The following FOXP1 variants were observed in gnomAD, a reference collection of about 807,000 sequenced individuals.
The protein encoded by FOXP1 is forkhead box protein P1.
A neutral mutation model predicts 98.2 loss-of-function variants in FOXP1; 15 were observed. The ratio of observed to expected loss-of-function variants is 0.15; its 90% CI spans 0.10 to 0.24. FOXP1 has a LOEUF of 0.24. FOXP1 is among the 10% of genes least tolerant of loss of function. The pLI is 1.00. For synonymous variants in FOXP1, 371 were observed against 314.5 expected, an observed-to-expected ratio of 1.18 and a Z score of -1.90; for missense variants, 633 against 848.5, an observed-to-expected ratio of 0.75 and a Z score of 3.15.
intron 3 of FOXP1, among the ~76,000 whole-genome samples, chr3:71,447,961 C>A (rs547484222): frequency 7.9e-4 from 120 of 152,248 alleles, no homozygotes; most frequent in Admixed American, 3.0e-3. Context: ...CTCATTCTTC[C>A]AGTTTTCTCA....
intron 11 of FOXP1, among the ~76,000 whole-genome samples, chr3:71,018,490 C>G (rs2044861934): frequency 6.6e-6 from 1 of 152,206 alleles, no homozygotes; most frequent in African/African-American, 2.4e-5. Flanking sequence ...AGTGCACCCC[C>G]ACACCCCAAC....
chr3:71,328,974 T>TAAAAAAAA (rs869252301), intron 4 of FOXP1, among the ~76,000 whole-genome samples: 490 of 31,152 alleles, frequency 0.016, 65 homozygotes, highest in Middle Eastern at 0.067. Context: ...TCCATCTCGC[T>TAAAAAAAA]AAAAAAAAAA....
intron 2 of FOXP1, among the ~76,000 whole-genome samples, chr3:71,580,342 C>CT (rs1483561243): frequency 1.3e-5 from 2 of 151,044 alleles, no homozygotes; most frequent in Non-Finnish European, 1.5e-5. Flanking sequence ...AGTTGAGTTC[C>CT]TTTTTTATAT....
chr3:71,436,047 T>G (rs2085321009), intron 3 of FOXP1, among the ~76,000 whole-genome samples: 1 of 151,688 alleles, frequency 6.6e-6, no homozygotes, highest in Non-Finnish European at 1.5e-5. Flanking sequence ...CTACATATAT[T>G]AATACCCTGT....
At chr3:71,133,372 T>A (rs2059665143) in intron 6 of FOXP1, among the ~76,000 whole-genome samples, 1 of 152,240 alleles carries the variant, frequency 6.6e-6, no homozygotes, top group South Asian at 2.1e-4. Context: ...AGAGAAATTG[T>A]CTGCTCAGGG....
chr3:71,332,096 T>C (rs2076358625), intron 4 of FOXP1: 1 of 152,264 alleles, frequency 6.6e-6, no homozygotes, highest in Non-Finnish European at 1.5e-5. Context: ...TGGGTCCCCT[T>C]CCATACTGTG....
intron 7 of FOXP1, among the ~76,000 whole-genome samples, chr3:71,104,907 T>C (rs2057296890): frequency 6.6e-6 from 1 of 152,236 alleles, no homozygotes; most frequent in African/African-American, 2.4e-5. Context: ...TAACTCCCTA[T>C]ACTTAAAATA....
intron 11 of FOXP1, among the ~76,000 whole-genome samples, chr3:71,029,030 C>A (rs2046502477): frequency 6.6e-6 from 1 of 152,186 alleles, no homozygotes; most frequent in Admixed American, 6.5e-5. Context: ...ACGTGCCTCA[C>A]CTCCTGCCGT....
Position 70,958,799 on chromosome 3 carries a change from A to G in FOXP1, c.*448T>C, listed in dbSNP as rs991603381. The stretch of plus-strand genomic sequence containing the variant: ...AAGGCAGTGATAATCAACATGCAGT[A>G]CTGTGCAAATAGGTCGTCCATTGGA... On this transcript the variant is annotated 3_prime_UTR_variant, in exon 21 of 21. Coordinates refer to ENST00000649528, the MANE Select transcript of FOXP1 (RefSeq NM_001349338.3). 4 of 312,328 alleles carry G rather than the reference A, an allele frequency of 1.3e-5. No homozygotes were observed. The highest frequency in any genetic ancestry group is 1.8e-5 in the Non-Finnish European group (3 of 166,880). 19.3% of individuals were successfully genotyped at this position (312,328 alleles called of 1,614,324 possible).
At chr3:71,233,285 G>A (rs1213479603) in intron 5 of FOXP1, among the ~76,000 whole-genome samples, 2 of 151,564 alleles carry the variant, frequency 1.3e-5, no homozygotes, top group Non-Finnish European at 2.9e-5. Context: ...GGAGGGAAGG[G>A]AAATGGTTTC....
At position 71,493,413 on chromosome 3, in the gene FOXP1, T is replaced by C. The variant is rs2091202917; in HGVS notation, c.-168+13A>G. 1 of 152,336 alleles carries C rather than the reference T, an allele frequency of 6.6e-6. No homozygotes were observed. The highest frequency in any genetic ancestry group is 2.4e-5 in the African/African-American group (1 of 41,572). The allele number at this position is 152,336 out of a possible 1,614,324, so 9.4% of individuals were successfully genotyped here. On this transcript the variant is annotated intron_variant, in intron 3 of 20. Transcript: ENST00000649528. ...ATTTTCAGATGAATAATCACAAACA[T>C]TCATTCACTCACCCTTTTGGCTAGC...
At chr3:71,489,107 C>T (rs1371802415) in intron 3 of FOXP1, among the ~76,000 whole-genome samples, 1 of 152,070 alleles carries the variant, frequency 6.6e-6, no homozygotes, top group Non-Finnish European at 1.5e-5. Flanking sequence ...GCGCCACCAC[C>T]GCCCCACCCC....
intron 6 of FOXP1, among the ~76,000 whole-genome samples, chr3:71,189,861 C>T (rs909138207): frequency 6.6e-6 from 1 of 152,172 alleles, no homozygotes. Flanking sequence ...AAGGTGATCC[C>T]GGCCCCCATT....
intron 7 of FOXP1, among the ~76,000 whole-genome samples, chr3:71,103,498 C>A (rs143921704): frequency 1.3e-5 from 2 of 152,174 alleles, no homozygotes; most frequent in Non-Finnish European, 2.9e-5. Context: ...GCTTTCCTGA[C>A]CGGGCAGGGT....
intron 2 of FOXP1, among the ~76,000 whole-genome samples, chr3:71,495,274 G>T (rs536200528): frequency 6.6e-6 from 1 of 152,172 alleles, no homozygotes; most frequent in African/African-American, 2.4e-5. Flanking sequence ...AGCTTGTCCT[G>T]CCCACCTACT....
intron 11 of FOXP1, among the ~76,000 whole-genome samples, chr3:71,031,725 TAAACAAAC>T (rs200881864): frequency 6.6e-6 from 1 of 151,770 alleles, no homozygotes; most frequent in Non-Finnish European, 1.5e-5. Flanking sequence ...TGGAAAATGC[TAAACAAAC>T]AAACAAACAA....
chr3:71,524,070 TC>T (rs1480973895), intron 2 of FOXP1, among the ~76,000 whole-genome samples: 1 of 152,150 alleles, frequency 6.6e-6, no homozygotes, highest in African/African-American at 2.4e-5. Flanking sequence ...CAACCTCAAT[TC>T]AGTGAGTGAC....
intron 11 of FOXP1, 100 bp from the exon 12 acceptor site, chr3:71,015,753 T>A: frequency 1.3e-6 from 1 of 745,518 alleles, no homozygotes; most frequent in Non-Finnish European, 2.4e-6. Flanking sequence ...CATGGCCAAA[T>A]GTGGACAAGA....
chr3:71,174,780 A>G (rs1341016146), intron 6 of FOXP1, among the ~76,000 whole-genome samples: 1 of 142,480 alleles, frequency 7.0e-6, no homozygotes, highest in Non-Finnish European at 1.5e-5. Flanking sequence ...ATGTATGCAC[A>G]TGCATACACA....
Sources: allele counts gnomAD v4.1 joint callset (sites outside exome capture counted in the v4.1 genomes callset), GRCh38; gene constraint gnomAD v4.1.1; transcripts MANE v1.5; gene names NCBI Gene and HGNC (gene_info 2026-07-23, HGNC 2026-07-21).